UPK3BL2: variants seen among roughly 807,000 people sequenced by gnomAD.
UPK3BL2 encodes the protein uroplakin-3b-like protein 2.
Under a neutral mutation model 11.3 loss-of-function variants are expected in UPK3BL2, and 1 was observed. That is an observed-to-expected ratio of 0.09 (90% CI 0.03 to 0.42). UPK3BL2 has a LOEUF of 0.42. UPK3BL2 is among the 10% of genes least tolerant of loss of function. The pLI, the probability that UPK3BL2 is intolerant of heterozygous loss-of-function variation, is 0.98.
intron 3 of UPK3BL2, among the ~76,000 whole-genome samples, chr7:102,540,859 A>ACAAAACAAAAAAAAG (rs1233258450): frequency 8.8e-6 from 1 of 113,812 alleles, no homozygotes; most frequent in Non-Finnish European, 1.9e-5. Context: ...ACAAAACAAA[A>ACAAAACAAAAAAAAG]AAAAAAAAAA....
chr7:102,543,660 G>A, exon 1 of UPK3BL2: 1 of 61,336 alleles, frequency 1.6e-5, no homozygotes, highest in Non-Finnish European at 2.9e-5. Flanking sequence ...CGTCTGCAGT[G>A]TCTGCAGCCC....
intron 3 of UPK3BL2, among the ~76,000 whole-genome samples, chr7:102,540,855 C>CAAAAAAAAAAAAAA (rs1158192702): frequency 1.1e-3 from 70 of 61,166 alleles, no homozygotes; most frequent in African/African-American, 2.5e-3. Context: ...AAAAACAAAA[C>CAAAAAAAAAAAAAA]AAAAAAAAAA....
At chr7:102,540,891 A>C (rs1563689791) in intron 3 of UPK3BL2, among the ~76,000 whole-genome samples, 1 of 128,212 alleles carries the variant, frequency 7.8e-6, no homozygotes, top group African/African-American at 3.0e-5. Context: ...AAAAGGAAAA[A>C]AAAAAAAAAG....
intron 1 of UPK3BL2, among the ~76,000 whole-genome samples, chr7:102,542,998 GAA>G (rs536228128): frequency 2.6e-5 from 3 of 116,634 alleles, no homozygotes; most frequent in Non-Finnish European, 3.7e-5. Flanking sequence ...ACTCTGTCTC[GAA>G]AAAAAAAAAA....
At chr7:102,542,960 T>C (rs1800334253) in intron 1 of UPK3BL2, among the ~76,000 whole-genome samples, 2 of 150,380 alleles carry the variant, frequency 1.3e-5, no homozygotes, top group South Asian at 2.1e-4. Flanking sequence ...ATCGCGCCAC[T>C]GTACTCCAGC....
chr7:102,540,736 C>CAG (rs1800216453), intron 3 of UPK3BL2, among the ~76,000 whole-genome samples: 1 of 150,860 alleles, frequency 6.6e-6, no homozygotes, highest in Non-Finnish European at 1.5e-5. Context: ...TCCAGCTACT[C>CAG]GTTAGGCTGA....
At chr7:102,542,634 C>G in intron 1 of UPK3BL2, 1 of 971,574 alleles carries the variant, frequency 1.0e-6, no homozygotes, top group Non-Finnish European at 1.2e-6. Context: ...GTCACGATTC[C>G]TTTCTTAGAG....
chr7:102,540,850 C>T (rs201939244), intron 3 of UPK3BL2, among the ~76,000 whole-genome samples: 2 of 60,696 alleles, frequency 3.3e-5, no homozygotes, highest in Admixed American at 1.7e-4. Context: ...TCTCAAAAAA[C>T]AAAACAAAAA....
At chr7:102,540,886 GAA>G (rs374079023) in intron 3 of UPK3BL2, among the ~76,000 whole-genome samples, 3 of 73,316 alleles carry the variant, frequency 4.1e-5, no homozygotes, top group East Asian at 9.7e-4. Flanking sequence ...AGAAGAAAAG[GAA>G]AAAAAAAAAA....
At chr7:102,540,919 T>A in intron 3 of UPK3BL2, among the ~76,000 whole-genome samples, 174 bp downstream of exon 3, 1 of 111,672 alleles carries the variant, frequency 9.0e-6, no homozygotes, top group African/African-American at 3.1e-5. Flanking sequence ...GGATAATTCA[T>A]GTAATTCATG....
At chr7:102,540,921 T>C (rs1800246938) in intron 3 of UPK3BL2, among the ~76,000 whole-genome samples, 172 bp downstream of exon 3, 1 of 118,478 alleles carries the variant, frequency 8.4e-6, no homozygotes, top group African/African-American at 3.0e-5. Flanking sequence ...ATAATTCATG[T>C]AATTCATGAA....
At position 102,540,877 on chromosome 7, in the gene UPK3BL2, GAAGAAAAGGAAAA is replaced by G. The variant is rs2133369570; in HGVS notation, c.485+203_485+215del. ...AAACAAAAAAAAAAAAAAAAAAAAAGAAGAAAAGGAAAAAAAAAAAAAAGAGAAGAAGGATAAT... is the reference window on the plus strand; with the variant it reads ...AAACAAAAAAAAAAAAAAAAAAAAAGAAAAAAAAAAGAGAAGAAGGATAAT... On this transcript the variant is annotated intron_variant, in intron 3 of 5. Coordinates refer to ENST00000644544, the Ensembl canonical transcript of UPK3BL2. 4.4e-5 allele frequency among the ~76,000 whole-genome samples: 3 copies of G among 68,356 alleles called. No homozygotes were observed. The East Asian group carries it at 1.3e-3, about 31-fold the overall frequency. The allele number at this position is 68,356 out of a possible 152,430, so 44.8% of individuals were successfully genotyped here.
intron 3 of UPK3BL2, among the ~76,000 whole-genome samples, chr7:102,540,855 C>CAAAAAAAAAAAAAAAA (rs1158192702): frequency 1.4e-3 from 86 of 61,090 alleles, no homozygotes; most frequent in African/African-American, 2.7e-3. Flanking sequence ...AAAAACAAAA[C>CAAAAAAAAAAAAAAAA]AAAAAAAAAA....
intron 3 of UPK3BL2, among the ~76,000 whole-genome samples, chr7:102,540,875 A>AAAAAAAAAAAG (rs1800235916): frequency 1.7e-5 from 2 of 118,878 alleles, no homozygotes. Flanking sequence ...AAAAAAAAAA[A>AAAAAAAAAAAG]AGAAGAAAAG....
intron 3 of UPK3BL2, among the ~76,000 whole-genome samples, chr7:102,540,864 A>AAAAC (rs1800232103): frequency 7.6e-6 from 1 of 130,800 alleles, no homozygotes; most frequent in African/African-American, 3.0e-5. Context: ...ACAAAAAAAA[A>AAAAC]AAAAAAAAAA....
intron 3 of UPK3BL2, among the ~76,000 whole-genome samples, chr7:102,540,851 A>AAAAC (rs1800224516): frequency 5.5e-5 from 6 of 108,636 alleles, no homozygotes; most frequent in African/African-American, 1.6e-4. Flanking sequence ...CTCAAAAAAC[A>AAAAC]AAACAAAAAA....
intron 1 of UPK3BL2, among the ~76,000 whole-genome samples, chr7:102,542,895 G>A (rs1417882382): frequency 8.5e-5 from 13 of 152,062 alleles, no homozygotes; most frequent in African/African-American, 3.1e-4. Flanking sequence ...CTACTCAGGA[G>A]GCTGAGGCAG....
chr7:102,543,012 A>G (rs1268223861), intron 1 of UPK3BL2, among the ~76,000 whole-genome samples: 10 of 144,612 alleles, frequency 6.9e-5, no homozygotes, highest in East Asian at 4.0e-4. Context: ...AAAAAAAAAA[A>G]AAAGAAAGAA....
chr7:102,540,412 C>T (rs550572909), intron 3 of UPK3BL2, among the ~76,000 whole-genome samples: 16 of 87,270 alleles, frequency 1.8e-4, no homozygotes, highest in East Asian at 8.3e-4. Context: ...GATGGAGAGA[C>T]GCCACCTGAG....
Sources: gnomAD v4.1 joint callset for allele counts (sites outside exome capture counted in the v4.1 genomes callset) on GRCh38, gnomAD v4.1.1 for gene constraint, MANE v1.5 for transcripts, NCBI Gene and HGNC (gene_info 2026-07-23, HGNC 2026-07-21) for gene names.